Variants in TMEFF1 observed in about 807,000 individuals in gnomAD.
TMEFF1 encodes the protein tomoregulin-1.
TMEFF1 carries 20 observed loss-of-function variants against 47.5 expected under a neutral mutation model. The observed-to-expected ratio is 0.42, with a 90% CI of 0.30 to 0.61. TMEFF1 has a LOEUF of 0.61. Among genes scored for constraint, TMEFF1 ranks in the 20% least tolerant of loss-of-function variants. The pLI, the probability that TMEFF1 is intolerant of heterozygous loss-of-function variation, is 0.19. For missense variants in TMEFF1, 411 were observed against 471.1 expected, an observed-to-expected ratio of 0.87 and a Z score of 1.18; for synonymous variants, 162 against 166.3, an observed-to-expected ratio of 0.97 and a Z score of 0.20.
chr9:100,568,339 G>A (rs1440122527), intron 8 of TMEFF1, among the ~76,000 whole-genome samples: 5 of 152,134 alleles, frequency 3.3e-5, no homozygotes, highest in Admixed American at 2.0e-4. Flanking sequence ...TTGGCCATTA[G>A]CCTACCATGA....
chr9:100,519,645 GACTTTTTTT>G (rs1489839301), intron 5 of TMEFF1, among the ~76,000 whole-genome samples: 1 of 100,456 alleles, frequency 1.0e-5, no homozygotes, highest in Non-Finnish European at 2.0e-5. Context: ...GCTGCCCAGT[GACTTTTTTT>G]TTTTTTTTTT....
intron 9 of TMEFF1, among the ~76,000 whole-genome samples, chr9:100,573,173 T>C (rs1839280421): frequency 6.6e-6 from 1 of 152,078 alleles, no homozygotes; most frequent in Non-Finnish European, 1.5e-5. Context: ...AGGAGATCCA[T>C]GCAGAAGATT....
intron 1 of TMEFF1, among the ~76,000 whole-genome samples, chr9:100,486,594 CT>C (rs1372803511): frequency 6.6e-6 from 1 of 152,158 alleles, no homozygotes. Flanking sequence ...TCTGTTTATG[CT>C]GGAGCCACTG....
intron 1 of TMEFF1, among the ~76,000 whole-genome samples, chr9:100,478,040 G>C (rs1393610058): frequency 6.6e-6 from 1 of 152,212 alleles, no homozygotes; most frequent in African/African-American, 2.4e-5. Flanking sequence ...TTTTAAGGCA[G>C]ATGTAAAAGT....
chr9:100,550,012 G>A, intron 6 of TMEFF1, 83 bp from the exon 7 acceptor site: 1 of 1,466,842 alleles, frequency 6.8e-7, no homozygotes, highest in Non-Finnish European at 9.1e-7. Context: ...GAAGAACTTG[G>A]AATAATTTGG....
intron 2 of TMEFF1, among the ~76,000 whole-genome samples, 163 bp from the exon 3 acceptor site, chr9:100,508,842 A>T (rs528106145): frequency 6.6e-6 from 1 of 151,460 alleles, no homozygotes; most frequent in East Asian, 1.9e-4. Context: ...GAAAAAAGGT[A>T]TGAAGAAGTA....
chr9:100,545,262 G>A (rs550634365), intron 5 of TMEFF1, among the ~76,000 whole-genome samples: 1 of 152,288 alleles, frequency 6.6e-6, no homozygotes, highest in Admixed American at 6.5e-5. Context: ...CTTCTGCCTG[G>A]GCATCCAGGC....
intron 1 of TMEFF1, among the ~76,000 whole-genome samples, chr9:100,492,667 G>A (rs1464291963): frequency 6.6e-6 from 1 of 152,198 alleles, no homozygotes; most frequent in Non-Finnish European, 1.5e-5. Context: ...ATGAAAAGAG[G>A]TCAGAAAATT....
At chr9:100,526,050 G>C (rs185647735) in intron 5 of TMEFF1, among the ~76,000 whole-genome samples, 2 of 152,296 alleles carry the variant, frequency 1.3e-5, no homozygotes, top group African/African-American at 4.8e-5. Flanking sequence ...CTTGTTTGAA[G>C]TGTTTAGGTA....
At chr9:100,525,074 A>T (rs1403624241) in intron 5 of TMEFF1, among the ~76,000 whole-genome samples, 1 of 152,140 alleles carries the variant, frequency 6.6e-6, no homozygotes, top group Non-Finnish European at 1.5e-5. Flanking sequence ...AGCTGTCTAT[A>T]GAGTTAAACT....
intron 1 of TMEFF1, among the ~76,000 whole-genome samples, chr9:100,487,131 CTTTAT>C (rs142467324): frequency 0.022 from 3,315 of 151,524 alleles, 99 homozygotes; most frequent in African/African-American, 0.076. Context: ...TCTTCTTTCT[CTTTAT>C]TTTATTTTTT....
intron 4 of TMEFF1, 65 bp downstream of exon 4, chr9:100,513,398 T>TC: frequency 2.0e-6 from 3 of 1,500,798 alleles, no homozygotes; most frequent in Non-Finnish European, 2.7e-6. Context: ...TTTTTCTTTT[T>TC]TTTTTTTTTT....
intron 5 of TMEFF1, among the ~76,000 whole-genome samples, chr9:100,540,751 T>C (rs10465148): frequency 0.24 from 35,804 of 152,210 alleles, 4,746 homozygotes; most frequent in African/African-American, 0.34. Flanking sequence ...TCCTTGTTTT[T>C]GACTTTTGCC....
At chr9:100,499,961 G>A (rs1837727717) in intron 2 of TMEFF1, among the ~76,000 whole-genome samples, 1 of 152,080 alleles carries the variant, frequency 6.6e-6, no homozygotes, top group Non-Finnish European at 1.5e-5. Flanking sequence ...ATGATAGGAG[G>A]GTTTCTCTTG....
At chr9:100,535,380 T>C (rs1464096826) in intron 5 of TMEFF1, among the ~76,000 whole-genome samples, 3 of 152,260 alleles carry the variant, frequency 2.0e-5, no homozygotes, top group African/African-American at 7.2e-5. Flanking sequence ...TTCCCATTCC[T>C]TGGGGGCATA....
rs539773610 is a variant in TMEFF1 at position 100,572,062 on chromosome 9, A to G, written c.900-456A>G. Among the ~76,000 whole-genome samples the G allele has an allele frequency of 2.0e-5, 3 of 152,154 alleles. No homozygotes were observed. The South Asian group carries it at 6.2e-4, about 32-fold the overall frequency. ...CTCCTGCTGTGTGGCCTGGTTCCTA[A>G]CAGGCCATGGACCAATATCTGTCCA... On this transcript the variant is annotated intron_variant, in intron 8 of 9. Coordinates refer to ENST00000374879, the MANE Select transcript of TMEFF1 (RefSeq NM_003692.5).
rs371807628 is a variant in TMEFF1 at position 100,508,164 on chromosome 9, G to A, written c.307-841G>A. ...ACACTTCATGTCTGTCTTTGGTCCC[G>A]TTTTTATTAATTTGTATGATCTATT... On this transcript the variant is annotated intron_variant, in intron 2 of 9. Coordinates refer to ENST00000374879, the MANE Select transcript of TMEFF1 (RefSeq NM_003692.5). 3.9e-5 allele frequency among the ~76,000 whole-genome samples: 6 copies of A among 152,112 alleles called. No homozygotes were observed. The East Asian group carries it at 5.8e-4, about 15-fold the overall frequency.
chr9:100,477,846 C>T (rs527581580), intron 1 of TMEFF1, among the ~76,000 whole-genome samples: 1 of 152,098 alleles, frequency 6.6e-6, no homozygotes, highest in South Asian at 2.1e-4. Context: ...ATTCTGGTCT[C>T]GAACTCCTGA....
chr9:100,572,040 C>T (rs963014666), intron 8 of TMEFF1, among the ~76,000 whole-genome samples: 2 of 152,148 alleles, frequency 1.3e-5, no homozygotes, highest in Non-Finnish European at 2.9e-5. Flanking sequence ...CACTCACCTC[C>T]TGCTGTGTGG....
Sources: allele counts gnomAD v4.1 joint callset (sites outside exome capture counted in the v4.1 genomes callset), GRCh38; gene constraint gnomAD v4.1.1; transcripts MANE v1.5; gene names NCBI Gene and HGNC (gene_info 2026-07-23, HGNC 2026-07-21).